TRAPPC9: variants seen among roughly 807,000 people sequenced by gnomAD.
The protein encoded by TRAPPC9 is trafficking protein particle complex subunit 9.
A neutral mutation model predicts 124.0 loss-of-function variants in TRAPPC9; 83 were observed. The ratio of observed to expected loss-of-function variants is 0.67; its 90% CI spans 0.56 to 0.80. TRAPPC9 has a LOEUF of 0.80. TRAPPC9 is among the 30% of genes least tolerant of loss of function. TRAPPC9 has a pLI of 0.00. For synonymous variants in TRAPPC9, 638 were observed against 617.5 expected (o/e 1.03, Z -0.49); for missense variants, 1,302 against 1,508.3 (o/e 0.86, Z 2.27).
At chr8:139,747,894 G>C (rs1387903563) in intron 21 of TRAPPC9, among the ~76,000 whole-genome samples, 8 of 68,398 alleles carry the variant, frequency 1.2e-4, no homozygotes, top group Admixed American at 1.4e-4. Flanking sequence ...GCAGGTGTCA[G>C]AGCAGGTAGG....
chr8:140,339,297 A>C (rs1489664684), intron 9 of TRAPPC9, among the ~76,000 whole-genome samples: 1 of 152,272 alleles, frequency 6.6e-6, no homozygotes, highest in Admixed American at 6.5e-5. Flanking sequence ...ACAAATTTGC[A>C]GTATGTGAAA....
intron 2 of TRAPPC9, among the ~76,000 whole-genome samples, chr8:140,450,022 T>C (rs1445682043): frequency 6.6e-6 from 1 of 152,230 alleles, no homozygotes; most frequent in Non-Finnish European, 1.5e-5. Context: ...ACCTAAGATA[T>C]GTAAAATACT....
At chr8:139,769,508 T>G (rs1209702493) in intron 21 of TRAPPC9, among the ~76,000 whole-genome samples, 3 of 152,228 alleles carry the variant, frequency 2.0e-5, no homozygotes, top group Non-Finnish European at 4.4e-5. Flanking sequence ...ACGAATTGTT[T>G]ATTTCTGGAA....
At position 140,412,817 on chromosome 8, in the gene TRAPPC9, A is replaced by C. The variant is rs1588306603; in HGVS notation, c.887-7119T>G. Among the ~76,000 whole-genome samples the C allele has an allele frequency of 4.6e-5, 7 of 152,352 alleles. No homozygotes were observed. The South Asian group carries it at 1.4e-3, about 32-fold the overall frequency. ...ACAAAACAATTCTATTATATTAAAA[A>C]CAGGATGTATTTCGTAAAGACAAAA... is the stretch of plus-strand genomic sequence containing the variant. On this transcript the variant is annotated intron_variant, in intron 5 of 22. Coordinates refer to ENST00000438773, the MANE Select transcript of TRAPPC9 (RefSeq NM_001160372.4).
intron 17 of TRAPPC9, among the ~76,000 whole-genome samples, chr8:140,107,666 G>C (rs145673320): frequency 6.6e-6 from 1 of 152,330 alleles, no homozygotes; most frequent in African/African-American, 2.4e-5. Context: ...CAGTAGGTAA[G>C]CATGGCCAAG....
chr8:140,109,980 T>A lies in TRAPPC9; in HGVS notation c.2557-85901A>T, dbSNP rs557588410. ...CTGTATGCTCCTCCTGATTTGCTTATACCCTCTGCTGTGTTCCAAGAGACA... is the reference window on the plus strand; with the variant it reads ...CTGTATGCTCCTCCTGATTTGCTTAAACCCTCTGCTGTGTTCCAAGAGACA... On this transcript the variant is annotated intron_variant, in intron 17 of 22. Coordinates refer to ENST00000438773, the MANE Select transcript of TRAPPC9 (RefSeq NM_001160372.4). Among the ~76,000 whole-genome samples, 9 of 152,232 alleles carry A rather than the reference T, an allele frequency of 5.9e-5. No homozygotes were observed. In the South Asian group the frequency reaches 1.4e-3, roughly 25 times the overall value.
chr8:140,152,348 T>C (rs192153276), intron 17 of TRAPPC9, among the ~76,000 whole-genome samples: 2 of 148,388 alleles, frequency 1.3e-5, no homozygotes, highest in East Asian at 1.9e-4. Flanking sequence ...TTGGGTAATA[T>C]TGCCATCTTT....
chr8:139,736,354 C>T (rs924498940), intron 21 of TRAPPC9, among the ~76,000 whole-genome samples: 3 of 152,190 alleles, frequency 2.0e-5, no homozygotes, highest in East Asian at 3.9e-4. Flanking sequence ...CACATTACCC[C>T]GAGGCCTGGC....
intron 19 of TRAPPC9, among the ~76,000 whole-genome samples, chr8:139,938,661 C>T (rs776674958): frequency 1.9e-4 from 28 of 150,454 alleles, no homozygotes; most frequent in Non-Finnish European, 2.7e-4. Flanking sequence ...TTTTTTGAGA[C>T]GGAGTCTCGC....
chr8:140,327,035 T>C (rs1197245640), intron 9 of TRAPPC9, among the ~76,000 whole-genome samples: 1 of 152,162 alleles, frequency 6.6e-6, no homozygotes, highest in African/African-American at 2.4e-5. Flanking sequence ...GCGGATCACC[T>C]GAGGTCAGGA....
chr8:139,886,848 G>A (rs946506704), intron 20 of TRAPPC9, among the ~76,000 whole-genome samples: 6 of 152,202 alleles, frequency 3.9e-5, no homozygotes, highest in African/African-American at 9.6e-5. Context: ...AGGCAGCAAC[G>A]TAGAACCTGA....
At chr8:140,131,194 A>G (rs1371949917) in intron 17 of TRAPPC9, among the ~76,000 whole-genome samples, 3 of 145,546 alleles carry the variant, frequency 2.1e-5, no homozygotes, top group Non-Finnish European at 3.1e-5. Flanking sequence ...AATACACATC[A>G]GTATGCACGT....
rs1588119941 is a variant in TRAPPC9 at position 140,300,382 on chromosome 8, G to A, written c.1768+87C>T. 10 of 1,567,238 alleles carry A rather than the reference G, an allele frequency of 6.4e-6. No homozygotes were observed. The East Asian group carries it at 2.2e-4, about 35-fold the overall frequency. On this transcript the variant is annotated intron_variant, in intron 11 of 22. Transcript: ENST00000438773. ...GCACACACATGCACATGCATGAACT[G>A]GCTCAAAATGCTGTTCTAAAAATCT...
intron 17 of TRAPPC9, chr8:140,096,681 A>T (rs984535096): frequency 2.6e-5 from 4 of 152,184 alleles, no homozygotes; most frequent in Non-Finnish European, 5.9e-5. Flanking sequence ...AGCCGGTTGG[A>T]AGTAAATTGT....
At chr8:139,785,978 C>A (rs1822207808) in intron 21 of TRAPPC9, among the ~76,000 whole-genome samples, 1 of 151,984 alleles carries the variant, frequency 6.6e-6, no homozygotes, top group Non-Finnish European at 1.5e-5. Context: ...GAGGCTGAGG[C>A]AGCGGATCAC....
At chr8:140,397,774 C>A in intron 6 of TRAPPC9, 29 bp from the exon 7 acceptor site, 2 of 1,613,022 alleles carry the variant, frequency 1.2e-6, no homozygotes, top group South Asian at 2.2e-5. Context: ...ATGCCTCAGT[C>A]AAAAAAGAGT....
intron 20 of TRAPPC9, among the ~76,000 whole-genome samples, chr8:139,890,688 C>T (rs1830284048): frequency 6.6e-6 from 1 of 152,144 alleles, no homozygotes; most frequent in African/African-American, 2.4e-5. Flanking sequence ...GTTCTCATAA[C>T]CCAGCACCTA....
intron 17 of TRAPPC9, among the ~76,000 whole-genome samples, chr8:140,206,442 C>G (rs574823284): frequency 6.6e-6 from 1 of 152,092 alleles, no homozygotes; most frequent in African/African-American, 2.4e-5. Context: ...ATATCTTATG[C>G]CTTGAAATGA....
intron 17 of TRAPPC9, among the ~76,000 whole-genome samples, chr8:140,148,856 G>A (rs905169016): frequency 2.0e-5 from 3 of 152,094 alleles, no homozygotes; most frequent in African/African-American, 7.2e-5. Context: ...TCTCATTCTT[G>A]GGTTCAGTTT....
Sources: gnomAD v4.1 joint callset for allele counts (sites outside exome capture counted in the v4.1 genomes callset) on GRCh38, gnomAD v4.1.1 for gene constraint, MANE v1.5 for transcripts, NCBI Gene and HGNC (gene_info 2026-07-23, HGNC 2026-07-21) for gene names.